ARHGAP32: variants seen among roughly 807,000 people sequenced by gnomAD.
ARHGAP32 encodes Rho GTPase activating protein 32.
In ARHGAP32, 51 loss-of-function variants were observed where a neutral mutation model predicts 186.5. The ratio of observed to expected loss-of-function variants is 0.27; its 90% CI spans 0.22 to 0.35. The LOEUF (loss-of-function observed/expected upper bound fraction) is 0.35. ARHGAP32 is among the 10% of genes least tolerant of loss of function. The probability of loss-of-function intolerance (pLI) is 1.00; values close to 1 mark genes in which losing one functional copy is unlikely to be tolerated. For missense variants in ARHGAP32, 2,186 were observed against 2,623.5 expected (o/e 0.83, Z 3.64); for synonymous variants, 950 against 964.3 (o/e 0.99, Z 0.27).
chr11:129,006,471 T>G (rs1237152303), intron 11 of ARHGAP32, among the ~76,000 whole-genome samples: 2 of 152,236 alleles, frequency 1.3e-5, no homozygotes, highest in Admixed American at 6.5e-5. Flanking sequence ...CTGTAGTTCC[T>G]GCAGATTTGT....
intron 2 of ARHGAP32, among the ~76,000 whole-genome samples, chr11:129,132,056 C>T (rs1027120557): frequency 6.6e-6 from 1 of 152,210 alleles, no homozygotes; most frequent in African/African-American, 2.4e-5. Flanking sequence ...TTAAGCCTAG[C>T]ATGCATGAGC....
intron 1 of ARHGAP32, among the ~76,000 whole-genome samples, chr11:129,243,811 T>C (rs1030825761): frequency 2.0e-5 from 3 of 152,186 alleles, no homozygotes; most frequent in Admixed American, 6.5e-5. Context: ...AGCGAAAATG[T>C]CATCTTCTCC....
intron 19 of ARHGAP32, among the ~76,000 whole-genome samples, chr11:128,977,064 G>A (rs1945567324): frequency 6.6e-6 from 1 of 152,154 alleles, no homozygotes; most frequent in African/African-American, 2.4e-5. Context: ...TTGGAGGGAT[G>A]CTGCCACACA....
intron 10 of ARHGAP32, among the ~76,000 whole-genome samples, chr11:129,049,792 G>A (rs1939963072): frequency 6.6e-6 from 1 of 152,126 alleles, no homozygotes; most frequent in South Asian, 2.1e-4. Context: ...ACAGATATTA[G>A]GGTCGTTTCC....
upstream of ARHGAP32, among the ~76,000 whole-genome samples, chr11:129,195,242 AGTGCTGGGATTACAG>A (rs1243609427): frequency 6.6e-6 from 1 of 151,800 alleles, no homozygotes; most frequent in Non-Finnish European, 1.5e-5. Flanking sequence ...TGCCTCCCAA[AGTGCTGGGATTACAG>A]GTATGAGCTA....
In ARHGAP32 at chr11:129,142,966, G is replaced by T. The variant is rs1441714863; in HGVS notation, c.226-18072C>A. On this transcript the variant is annotated intron_variant, in intron 2 of 22. Coordinates refer to ENST00000682385, the MANE Select transcript of ARHGAP32 (RefSeq NM_001378024.1). ...AATGTTATAAATATTTCTTGAAATGGTGACAAAAATATCATTTCTGCTTAA... is the reference window on the plus strand; with the variant it reads ...AATGTTATAAATATTTCTTGAAATGTTGACAAAAATATCATTTCTGCTTAA... Among the ~76,000 whole-genome samples the T allele has an allele frequency of 2.7e-5, 4 of 149,912 alleles. No individual in the cohort carries two copies. The East Asian group carries it at 7.8e-4, about 29-fold the overall frequency.
intron 1 of ARHGAP32, among the ~76,000 whole-genome samples, chr11:129,190,335 A>G (rs895247183): frequency 6.6e-6 from 1 of 152,218 alleles, no homozygotes; most frequent in African/African-American, 2.4e-5. Flanking sequence ...GAGACACTAC[A>G]TGAAATTGGG....
intron 6 of ARHGAP32, among the ~76,000 whole-genome samples, chr11:129,075,865 T>A (rs930260689): frequency 2.0e-5 from 3 of 152,074 alleles, no homozygotes; most frequent in Non-Finnish European, 4.4e-5. Flanking sequence ...AGGTGCTGAG[T>A]GAAATGAGGC....
At chr11:129,215,146 C>A (rs890299809) in intron 1 of ARHGAP32, among the ~76,000 whole-genome samples, 1 of 152,188 alleles carries the variant, frequency 6.6e-6, no homozygotes, top group African/African-American at 2.4e-5. Flanking sequence ...GCTATTCTTA[C>A]AACCACAGGG....
intron 1 of ARHGAP32, among the ~76,000 whole-genome samples, chr11:129,260,942 T>C (rs1231815493): frequency 1.3e-5 from 2 of 152,100 alleles, no homozygotes; most frequent in Non-Finnish European, 2.9e-5. Context: ...AGAACAAAGA[T>C]AAGAAACAGT....
In ARHGAP32 at chr11:128,970,122, G is replaced by C; in HGVS notation, c.5091C>G (p.Arg1697=). Residue 1697 remains arginine (R), a synonymous_variant, in exon 23 of 23, where the codon CGC becomes CGG. Coordinates refer to ENST00000682385, the MANE Select transcript of ARHGAP32 (RefSeq NM_001378024.1). The surrounding 1 kb of genome is among the most constrained non-coding windows in gnomAD (Gnocchi z 5.8). ...AGAAAGCAAAGTCTCGATTGGGAAG[G>C]CGGTGAAGGGGTCTCAACTGGACTG... ...YGTVQLRPLH[R]LPNRDFAFYN... is the part of the protein sequence containing the mutation. 7 of 1,614,206 alleles carry C rather than the reference G, an allele frequency of 4.3e-6. No homozygotes were observed. The East Asian group carries it at 1.6e-4, about 36-fold the overall frequency.
At chr11:128,983,362 A>G (rs534416807) in intron 15 of ARHGAP32, among the ~76,000 whole-genome samples, 1 of 152,080 alleles carries the variant, frequency 6.6e-6, no homozygotes, top group Non-Finnish European at 1.5e-5. Flanking sequence ...CATAGAGGTG[A>G]GAAGCTTGAG....
chr11:129,097,460 C>T (rs1941765825), intron 5 of ARHGAP32, among the ~76,000 whole-genome samples: 2 of 151,868 alleles, frequency 1.3e-5, no homozygotes, highest in Admixed American at 6.6e-5. Flanking sequence ...ATAGAAATAT[C>T]AATAAAGAGA....
chr11:128,999,799 C>T (rs535941221), intron 11 of ARHGAP32, among the ~76,000 whole-genome samples: 3 of 152,298 alleles, frequency 2.0e-5, no homozygotes, highest in African/African-American at 7.2e-5. Flanking sequence ...AATGTTGTAA[C>T]CCATGACGTT....
At chr11:128,990,923 A>G (rs558010023) in intron 12 of ARHGAP32, among the ~76,000 whole-genome samples, 15 of 152,302 alleles carry the variant, frequency 9.8e-5, no homozygotes, top group African/African-American at 3.6e-4. Flanking sequence ...CTCATTATAT[A>G]TGCTCCAAAT....
intron 1 of ARHGAP32, among the ~76,000 whole-genome samples, chr11:129,188,270 A>G (rs1001380385): frequency 6.6e-6 from 1 of 152,110 alleles, no homozygotes; most frequent in African/African-American, 2.4e-5. Flanking sequence ...TTAATTGTTA[A>G]TACTACCTCT....
chr11:129,096,044 T>C (rs148204527), intron 5 of ARHGAP32, among the ~76,000 whole-genome samples: 8 of 152,276 alleles, frequency 5.3e-5, no homozygotes, highest in African/African-American at 1.9e-4. Flanking sequence ...TTCAACAGAC[T>C]GAAAGAAGAA....
intron 6 of ARHGAP32, among the ~76,000 whole-genome samples, chr11:129,082,074 A>G (rs1376873496): frequency 6.6e-6 from 1 of 152,068 alleles, no homozygotes; most frequent in Admixed American, 6.6e-5. Context: ...TCTCTACAAG[A>G]AAAACTATAA....
At chr11:129,252,516 A>C (rs1344576043) in intron 1 of ARHGAP32, among the ~76,000 whole-genome samples, 1 of 152,186 alleles carries the variant, frequency 6.6e-6, no homozygotes. Flanking sequence ...ACACACACAA[A>C]AGAGTAAAAC....
Sources: gnomAD v4.1 joint callset for allele counts (sites outside exome capture counted in the v4.1 genomes callset) on GRCh38, gnomAD v4.1.1 for gene constraint, Gnocchi (gnomAD v3.1) non-coding constraint, MANE v1.5 for transcripts, NCBI Gene and HGNC (gene_info 2026-07-23, HGNC 2026-07-21) for gene names.